The following ICA1 variants were observed in gnomAD, a reference collection of about 807,000 sequenced individuals.
ICA1 encodes the protein islet cell autoantigen 1.
ICA1 carries 40 observed loss-of-function variants against 71.0 expected under a neutral mutation model. The observed-to-expected ratio is 0.56, with a 90% confidence interval of 0.44 to 0.73. ICA1 has a LOEUF of 0.73. ICA1 is among the 30% of genes least tolerant of loss of function. The pLI is 0.00. For missense variants in ICA1, 578 were observed against 576.5 expected (o/e 1.00, Z -0.03); for synonymous variants, 207 against 209.5 (o/e 0.99, Z 0.10).
intron 12 of ICA1, among the ~76,000 whole-genome samples, chr7:8,136,853 T>C (rs368907380): frequency 6.6e-6 from 1 of 152,296 alleles, no homozygotes; most frequent in Non-Finnish European, 1.5e-5. Context: ...AATATGAAAG[T>C]TGTTTTAAAT....
chr7:8,246,247 T>C (rs749607237), intron 1 of ICA1, among the ~76,000 whole-genome samples: 2 of 152,234 alleles, frequency 1.3e-5, no homozygotes, highest in African/African-American at 2.4e-5. Context: ...GCATGAATGT[T>C]TGTGTTTCAC....
intron 6 of ICA1, among the ~76,000 whole-genome samples, chr7:8,159,631 T>G (rs1454815982): frequency 6.6e-6 from 1 of 151,746 alleles, no homozygotes; most frequent in Non-Finnish European, 1.5e-5. Flanking sequence ...GCGTGGGAGG[T>G]GGAGGTTGCA....
At chr7:8,115,420 G>A (rs1258488423) in intron 13 of ICA1, among the ~76,000 whole-genome samples, 1 of 152,148 alleles carries the variant, frequency 6.6e-6, no homozygotes, top group Non-Finnish European at 1.5e-5. Flanking sequence ...CTCTATTCTT[G>A]CTAGAGGATA....
At chr7:8,229,355 T>A (rs17145870) in intron 3 of ICA1, among the ~76,000 whole-genome samples, 5,979 of 152,246 alleles carry the variant, frequency 0.039, 274 homozygotes, top group African/African-American at 0.11. Flanking sequence ...CTGAGAAGAA[T>A]CTAACTTGAT....
At chr7:8,254,021 A>C (rs1193554923) in intron 1 of ICA1, among the ~76,000 whole-genome samples, 1 of 152,152 alleles carries the variant, frequency 6.6e-6, no homozygotes, top group Non-Finnish European at 1.5e-5. Flanking sequence ...AAGCCTCCAA[A>C]AGATGTGATC....
chr7:8,216,995 G>C (rs1356710986), intron 6 of ICA1, among the ~76,000 whole-genome samples: 1 of 152,158 alleles, frequency 6.6e-6, no homozygotes, highest in Non-Finnish European at 1.5e-5. Context: ...CAAATTATTG[G>C]CCTGATTAGA....
Position 8,130,360 on chromosome 7 carries a change from G to GAAGGA in ICA1, c.1061-2223_1061-2219dup, listed in dbSNP as rs1049007932. 3.3e-5 allele frequency among the ~76,000 whole-genome samples: 5 copies of GAAGGA among 152,224 alleles called. No individual in the cohort carries two copies. The highest frequency in any genetic ancestry group is 1.2e-4 in the African/African-American group (5 of 41,464). Reference sequence around the variant, plus strand: ...ACCTCTGTGGATGAAGGCAGGAGCTGAAGGAAAGGAAAGCAACCTTCGCAG... The same window carrying GAAGGA: ...ACCTCTGTGGATGAAGGCAGGAGCTGAAGGAAAGGAAAGGAAAGCAACCTTCGCAG... On this transcript the variant is annotated intron_variant, in intron 12 of 13. Transcript: ENST00000402384. This position sits in a 1 kb window ranked among gnomAD's most constrained non-coding sequence, Gnocchi z 4.2.
At chr7:8,147,627 C>G (rs984612525) in intron 8 of ICA1, among the ~76,000 whole-genome samples, 1 of 150,566 alleles carries the variant, frequency 6.6e-6, no homozygotes, top group African/African-American at 2.5e-5. Context: ...AAACCACAAG[C>G]AAAATTGATA....
intron 6 of ICA1, among the ~76,000 whole-genome samples, chr7:8,178,677 A>C (rs2098285): frequency 0.01 from 1,575 of 152,162 alleles, 10 homozygotes; most frequent in Non-Finnish European, 0.017. Context: ...AAATCTTTAA[A>C]ACATTTTCTG....
At chr7:8,204,274 G>C (rs930578553) in intron 6 of ICA1, among the ~76,000 whole-genome samples, 1 of 152,304 alleles carries the variant, frequency 6.6e-6, no homozygotes, top group African/African-American at 2.4e-5. Context: ...TAGTAATATG[G>C]GGCTGGAAAG....
intron 8 of ICA1, among the ~76,000 whole-genome samples, chr7:8,152,801 C>A (rs1799806617): frequency 6.6e-6 from 1 of 151,516 alleles, no homozygotes; most frequent in African/African-American, 2.4e-5. Flanking sequence ...TCACCTCCAC[C>A]ACCACCACCA....
chr7:8,187,986 G>C (rs1162912708), intron 6 of ICA1, among the ~76,000 whole-genome samples: 3 of 152,196 alleles, frequency 2.0e-5, no homozygotes, highest in Non-Finnish European at 4.4e-5. Context: ...AGATTATACT[G>C]CTACGAAGTG....
chr7:8,157,300 T>G, intron 7 of ICA1, 86 bp from the exon 8 acceptor site: 3 of 1,233,172 alleles, frequency 2.4e-6, no homozygotes, highest in African/African-American at 3.0e-5. Flanking sequence ...CTCTGTAGCT[T>G]TGAAGATTCT....
intron 1 of ICA1, among the ~76,000 whole-genome samples, chr7:8,245,375 A>C (rs2128502664): frequency 7.4e-6 from 1 of 135,032 alleles, no homozygotes; most frequent in East Asian, 2.5e-4. Flanking sequence ...ACACTTGGTC[A>C]CTGGGTAGAA....
intron 1 of ICA1, among the ~76,000 whole-genome samples, chr7:8,237,917 G>A (rs956156585): frequency 6.6e-6 from 1 of 151,954 alleles, no homozygotes; most frequent in African/African-American, 2.4e-5. Flanking sequence ...TGGCTATTGG[G>A]AATAATGCTG....
intron 1 of ICA1, among the ~76,000 whole-genome samples, chr7:8,242,901 C>A (rs749697297): frequency 1.2e-4 from 18 of 152,200 alleles, no homozygotes; most frequent in South Asian, 4.1e-4. Flanking sequence ...CAATAACAGG[C>A]TCTGAAATTG....
intron 6 of ICA1, among the ~76,000 whole-genome samples, chr7:8,200,873 C>G (rs922279289): frequency 4.6e-5 from 7 of 152,154 alleles, no homozygotes; most frequent in Admixed American, 4.6e-4. Context: ...CTCAGAAAAG[C>G]CATGTCTAGC....
At chr7:8,154,926 A>G (rs1800968003) in intron 8 of ICA1, among the ~76,000 whole-genome samples, 1 of 152,202 alleles carries the variant, frequency 6.6e-6, no homozygotes. Context: ...ATTTGAGTCC[A>G]CATAAAGAAA....
chr7:8,213,119 C>A (rs1253041487), intron 6 of ICA1, among the ~76,000 whole-genome samples: 5 of 152,146 alleles, frequency 3.3e-5, no homozygotes, highest in Non-Finnish European at 5.9e-5. Flanking sequence ...CAAACCCAAA[C>A]AACAGGCACA....
Sources: allele counts gnomAD v4.1 joint callset (sites outside exome capture counted in the v4.1 genomes callset), GRCh38; gene constraint gnomAD v4.1.1; non-coding constraint Gnocchi (gnomAD v3.1); transcripts MANE v1.5; gene names NCBI Gene and HGNC (gene_info 2026-07-23, HGNC 2026-07-21).